AJAP1: variants seen among roughly 807,000 people sequenced by gnomAD.
AJAP1 encodes adherens junction-associated protein 1.
In AJAP1, 5 loss-of-function variants were observed where a neutral mutation model predicts 35.0. The observed-to-expected ratio is 0.14, with a 90% CI of 0.07 to 0.30. The LOEUF is 0.30. AJAP1 is among the 10% of genes least tolerant of loss of function. The pLI, the probability that AJAP1 is intolerant of heterozygous loss-of-function variation, is 1.00. For missense variants in AJAP1, 586 were observed against 571.0 expected (o/e 1.03, Z -0.27); for synonymous variants, 284 against 249.3 (o/e 1.14, Z -1.31).
chr1:4,712,158 T>G lies in AJAP1; in HGVS notation c.288T>G (p.Pro96=). The G allele has an allele frequency of 6.4e-7, 1 of 1,564,798 alleles. No individual in the cohort carries two copies. Among genetic ancestry groups the G allele is most frequent in the Non-Finnish European group, 8.6e-7 (1 of 1,161,406 alleles). Residue 96 remains proline, a synonymous_variant, in exon 2 of 6, where the codon CCT becomes CCG. Coordinates refer to ENST00000378191, the MANE Select transcript of AJAP1 (RefSeq NM_018836.4). ...VERIHGQMQM[P]RARRAHRPRD... Reference sequence around the variant, plus strand: ...GGATCCACGGGCAGATGCAGATGCCTCGAGCCAGACGGGCCCACAGGCCCC... The same window carrying G: ...GGATCCACGGGCAGATGCAGATGCCGCGAGCCAGACGGGCCCACAGGCCCC...
At chr1:4,745,078 T>C (rs1641159878) in intron 2 of AJAP1, among the ~76,000 whole-genome samples, 2 of 152,166 alleles carry the variant, frequency 1.3e-5, no homozygotes, top group African/African-American at 4.8e-5. Context: ...GAGCCCATCC[T>C]AGCAGAACCT....
chr1:4,758,740 C>T (rs371410448), intron 2 of AJAP1, among the ~76,000 whole-genome samples: 1 of 152,210 alleles, frequency 6.6e-6, no homozygotes, highest in Non-Finnish European at 1.5e-5. Flanking sequence ...CACGATCCCA[C>T]CCAACCCTGT....
At chr1:4,677,514 GATTCCACCT>G (rs1344600965) in intron 1 of AJAP1, among the ~76,000 whole-genome samples, 1 of 151,968 alleles carries the variant, frequency 6.6e-6, no homozygotes. Context: ...TTCCAGAGGG[GATTCCACCT>G]CTCTCTGGGT....
At chr1:4,766,401 T>C (rs1156700715) in intron 2 of AJAP1, among the ~76,000 whole-genome samples, 2 of 152,222 alleles carry the variant, frequency 1.3e-5, no homozygotes, top group Non-Finnish European at 2.9e-5. Flanking sequence ...GCGGATGCTG[T>C]AAACACCACA....
At chr1:4,757,410 G>GTGGGC (rs1375564646) in intron 2 of AJAP1, among the ~76,000 whole-genome samples, 1 of 152,198 alleles carries the variant, frequency 6.6e-6, no homozygotes, top group Non-Finnish European at 1.5e-5. Flanking sequence ...TCAGTCTCCC[G>GTGGGC]TGGGCTGGGC....
chr1:4,774,857 A>T (rs1403134983), intron 5 of AJAP1, among the ~76,000 whole-genome samples: 1 of 152,046 alleles, frequency 6.6e-6, no homozygotes, highest in African/African-American at 2.4e-5. Context: ...AGGCCACCAC[A>T]TGCGTGGCCT....
At chr1:4,767,792 G>A (rs1466492408) in intron 2 of AJAP1, among the ~76,000 whole-genome samples, 1 of 151,908 alleles carries the variant, frequency 6.6e-6, no homozygotes, top group African/African-American at 2.4e-5. Flanking sequence ...CACCGGATGA[G>A]CACATACGCT....
chr1:4,738,876 A>G (rs1640992889), intron 2 of AJAP1, among the ~76,000 whole-genome samples: 1 of 152,106 alleles, frequency 6.6e-6, no homozygotes, highest in African/African-American at 2.4e-5. Flanking sequence ...GAGCAGGAGA[A>G]CTCAGAGGAG....
At chr1:4,722,436 C>T (rs887348535) in intron 2 of AJAP1, among the ~76,000 whole-genome samples, 1 of 152,246 alleles carries the variant, frequency 6.6e-6, no homozygotes, top group Non-Finnish European at 1.5e-5. Flanking sequence ...CGAAAGCAGC[C>T]GTTCACCCAG....
rs1444731588 is a variant in AJAP1, at chr1:4,782,580, A to G, written c.*95A>G. 1.5e-5 allele frequency: 6 copies of G among 394,808 alleles called. No homozygotes were observed. The highest frequency in any genetic ancestry group is 8.2e-5 in the African/African-American group (4 of 48,574). The allele number at this position is 394,808 out of a possible 1,614,324, so 24.5% of individuals were successfully genotyped here. ...GTGAACCTGTAAAAACAAAACAAAC[A>G]AAACAAAACAAAAAAGACAAAACCT... On this transcript the variant is annotated 3_prime_UTR_variant, in exon 6 of 6. Coordinates refer to ENST00000378191, the MANE Select transcript of AJAP1 (RefSeq NM_018836.4). This position sits in a 1 kb window ranked among gnomAD's most constrained non-coding sequence, Gnocchi z 5.3.
At chr1:4,748,372 G>A (rs1023192286) in intron 2 of AJAP1, among the ~76,000 whole-genome samples, 1 of 152,124 alleles carries the variant, frequency 6.6e-6, no homozygotes, top group South Asian at 2.1e-4. Flanking sequence ...GTGTGTCTCC[G>A]GCCAGCACCT....
intron 1 of AJAP1, among the ~76,000 whole-genome samples, chr1:4,690,574 C>T (rs956437845): frequency 4.6e-5 from 7 of 152,230 alleles, no homozygotes; most frequent in Non-Finnish European, 8.8e-5. Flanking sequence ...GGGAGAAACA[C>T]GGTGTCCCCC....
intron 2 of AJAP1, among the ~76,000 whole-genome samples, chr1:4,726,126 C>T (rs551447986): frequency 1.3e-5 from 2 of 152,264 alleles, no homozygotes; most frequent in East Asian, 1.9e-4. Flanking sequence ...TCGCCAGCCC[C>T]GCATAGAGTT....
chr1:4,655,409 C>T lies in AJAP1; in HGVS notation c.-17C>T. 1 of 1,559,486 alleles carries T rather than the reference C, an allele frequency of 6.4e-7. No homozygotes were observed. Among genetic ancestry groups the T allele is most frequent in the Non-Finnish European group, 8.7e-7 (1 of 1,153,072 alleles). ...TGGGCGAGCCAGGTCTGAGGCCCCG[C>T]TCCCCGAAACGTGACCATGTGGATT... On this transcript the variant is annotated 5_prime_UTR_variant, in exon 1 of 6. Coordinates refer to ENST00000378191, the MANE Select transcript of AJAP1 (RefSeq NM_018836.4). The surrounding 1 kb of genome is among the most constrained non-coding windows in gnomAD (Gnocchi z 6.9).
intron 2 of AJAP1, among the ~76,000 whole-genome samples, chr1:4,757,510 CT>C (rs1291207599): frequency 5.3e-5 from 8 of 152,340 alleles, no homozygotes; most frequent in Admixed American, 2.6e-4. Context: ...CCACAGACAA[CT>C]GCAAAGCATC....
chr1:4,747,997 A>C (rs1192068579), intron 2 of AJAP1, among the ~76,000 whole-genome samples: 1 of 150,886 alleles, frequency 6.6e-6, no homozygotes, highest in East Asian at 1.9e-4. Context: ...GTCTCAAAAA[A>C]AAAAAAACAA....
intron 2 of AJAP1, among the ~76,000 whole-genome samples, chr1:4,721,054 G>A (rs1325252655): frequency 1.3e-5 from 2 of 152,200 alleles, no homozygotes; most frequent in Non-Finnish European, 2.9e-5. Flanking sequence ...TACATAGCTG[G>A]AATAGCACTT....
Position 4,782,957 on chromosome 1 carries a change from T to C in AJAP1, c.*472T>C, listed in dbSNP as rs1403915058. On this transcript the variant is annotated 3_prime_UTR_variant, in exon 6 of 6. Transcript: ENST00000378191. This position sits in a 1 kb window ranked among gnomAD's most constrained non-coding sequence, Gnocchi z 5.3. Reference sequence around the variant, plus strand: ...GCCCAGCGAATCACGCAGAGAAATCTTACAGAAAACAGGGGTGGGAATCTC... The same window carrying C: ...GCCCAGCGAATCACGCAGAGAAATCCTACAGAAAACAGGGGTGGGAATCTC... The C allele has an allele frequency of 5.0e-6, 2 of 397,932 alleles. No homozygotes were observed. Among genetic ancestry groups the C allele is most frequent in the Non-Finnish European group, 8.9e-6 (2 of 225,862 alleles). The allele number at this position is 397,932 out of a possible 1,614,324, so 24.7% of individuals were successfully genotyped here.
chr1:4,735,560 A>G (rs567233408), intron 2 of AJAP1, among the ~76,000 whole-genome samples: 2 of 152,276 alleles, frequency 1.3e-5, no homozygotes, highest in South Asian at 4.1e-4. Flanking sequence ...AAAAGATAAG[A>G]CAGCCCACTG....
Sources: gnomAD v4.1 joint callset for allele counts (sites outside exome capture counted in the v4.1 genomes callset) on GRCh38, gnomAD v4.1.1 for gene constraint, Gnocchi (gnomAD v3.1) non-coding constraint, MANE v1.5 for transcripts, NCBI Gene and HGNC (gene_info 2026-07-23, HGNC 2026-07-21) for gene names.